TRAPPC9: variants seen among roughly 807,000 people sequenced by gnomAD.
TRAPPC9 encodes the protein IKK2 binding protein.
TRAPPC9 carries 83 observed loss-of-function variants against 124.0 expected under a neutral mutation model. The observed-to-expected ratio is 0.67, with a 90% CI of 0.56 to 0.80. TRAPPC9 has a LOEUF of 0.80. Ranked by LOEUF, TRAPPC9 falls within the 30% of genes least tolerant of loss-of-function variation. TRAPPC9 has a pLI of 0.00. For synonymous variants in TRAPPC9, 638 were observed against 617.5 expected, an observed-to-expected ratio of 1.03 and a Z score of -0.49; for missense variants, 1,302 against 1,508.3, an observed-to-expected ratio of 0.86 and a Z score of 2.27.
At chr8:140,325,629 C>T (rs1464189927) in intron 9 of TRAPPC9, among the ~76,000 whole-genome samples, 1 of 152,182 alleles carries the variant, frequency 6.6e-6, no homozygotes, top group African/African-American at 2.4e-5. Flanking sequence ...AATCCAAACT[C>T]CCACAAAAAT....
chr8:139,756,472 T>G (rs1456101131), intron 21 of TRAPPC9, among the ~76,000 whole-genome samples: 20 of 106,328 alleles, frequency 1.9e-4, no homozygotes, highest in South Asian at 3.4e-4. Flanking sequence ...AGCCAGGGTT[T>G]GGGGATGAGG....
chr8:139,936,168 C>A (rs537122517), intron 19 of TRAPPC9, among the ~76,000 whole-genome samples: 1 of 152,354 alleles, frequency 6.6e-6, no homozygotes, highest in East Asian at 1.9e-4. Flanking sequence ...TTTGAGATAG[C>A]GCCTACCAGA....
intron 16 of TRAPPC9, among the ~76,000 whole-genome samples, chr8:140,245,992 C>T (rs952257492): frequency 2.6e-5 from 4 of 152,252 alleles, no homozygotes; most frequent in African/African-American, 9.6e-5. Flanking sequence ...AGAGACTCCC[C>T]TCATCAACTG....
intron 18 of TRAPPC9, among the ~76,000 whole-genome samples, chr8:140,018,189 T>C (rs1164249798): frequency 6.6e-6 from 1 of 152,110 alleles, no homozygotes; most frequent in Non-Finnish European, 1.5e-5. Context: ...TTATCATGTT[T>C]TGTCATTTTC....
intron 4 of TRAPPC9, 78 bp downstream of exon 4, chr8:140,435,034 A>C (rs1474260064): frequency 1.2e-6 from 2 of 1,606,962 alleles, no homozygotes; most frequent in Non-Finnish European, 1.7e-6. Context: ...GTCCTAACTC[A>C]AAGGAAAAAG....
At chr8:140,019,596 A>T (rs1839703410) in intron 18 of TRAPPC9, among the ~76,000 whole-genome samples, 1 of 114,484 alleles carries the variant, frequency 8.7e-6, no homozygotes, top group African/African-American at 3.5e-5. Context: ...TGTGTCACCT[A>T]GGCTGGAGTG....
rs76527102 is a variant in TRAPPC9, at chr8:139,942,320, C to T, written c.2811-32020G>A. On this transcript the variant is annotated intron_variant, in intron 19 of 22. Coordinates refer to ENST00000438773, the MANE Select transcript of TRAPPC9 (RefSeq NM_001160372.4). The stretch of plus-strand genomic sequence containing the variant: ...ACACCCAATAGTTATTTATTGAATC[C>T]CTGGGCATTGACCCAACAAGTGTTC... 2.0e-5 allele frequency among the ~76,000 whole-genome samples: 3 copies of T among 152,196 alleles called. No individual in the cohort carries two copies. The East Asian group carries it at 5.8e-4, about 29-fold the overall frequency.
chr8:139,794,237 G>T (rs1401623491), intron 21 of TRAPPC9, among the ~76,000 whole-genome samples: 1 of 152,204 alleles, frequency 6.6e-6, no homozygotes, highest in Non-Finnish European at 1.5e-5. Flanking sequence ...AATCCTGCCT[G>T]GCTCTGTGAC....
intron 17 of TRAPPC9, among the ~76,000 whole-genome samples, chr8:140,027,907 G>T (rs1411731038): frequency 6.6e-6 from 1 of 151,956 alleles, no homozygotes; most frequent in Non-Finnish European, 1.5e-5. Flanking sequence ...CAGCATGGGG[G>T]ACACCACCCC....
At chr8:140,368,424 C>T (rs1420998515) in intron 8 of TRAPPC9, among the ~76,000 whole-genome samples, 1 of 152,144 alleles carries the variant, frequency 6.6e-6, no homozygotes, top group Non-Finnish European at 1.5e-5. Flanking sequence ...GTCATCAGCG[C>T]TCCGCCTGCC....
chr8:140,264,224 A>C (rs2131570113), intron 15 of TRAPPC9, among the ~76,000 whole-genome samples: 1 of 152,260 alleles, frequency 6.6e-6, no homozygotes, highest in South Asian at 2.1e-4. Flanking sequence ...GGTCCTGAGA[A>C]TTGCACGAGT....
intron 17 of TRAPPC9, among the ~76,000 whole-genome samples, chr8:140,065,997 A>G (rs1018698531): frequency 6.6e-6 from 1 of 152,258 alleles, no homozygotes; most frequent in African/African-American, 2.4e-5. Flanking sequence ...GGCAAAGTAC[A>G]TTGAAAACCT....
At chr8:139,829,893 C>A (rs1000378745) in intron 21 of TRAPPC9, among the ~76,000 whole-genome samples, 3 of 152,182 alleles carry the variant, frequency 2.0e-5, no homozygotes, top group African/African-American at 7.2e-5. Flanking sequence ...TGAGTGACAG[C>A]GCTGGGGCTG....
At chr8:139,953,426 G>C (rs1021674488) in intron 19 of TRAPPC9, among the ~76,000 whole-genome samples, 1 of 152,190 alleles carries the variant, frequency 6.6e-6, no homozygotes, top group Non-Finnish European at 1.5e-5. Flanking sequence ...CCAGGAGGCA[G>C]AGTTGCAGTG....
intron 13 of TRAPPC9, 95 bp downstream of exon 13, chr8:140,287,513 C>T: frequency 6.6e-7 from 1 of 1,511,442 alleles, no homozygotes; most frequent in Non-Finnish European, 9.2e-7. Context: ...CTGGTTAGGA[C>T]TGGCATGACG....
At chr8:139,855,471 C>A (rs560846246) in intron 21 of TRAPPC9, among the ~76,000 whole-genome samples, 2 of 152,190 alleles carry the variant, frequency 1.3e-5, no homozygotes, top group Non-Finnish European at 1.5e-5. Flanking sequence ...GGCAGGTCCA[C>A]GTGGAGACCC....
At chr8:139,972,469 T>C (rs180789469) in intron 19 of TRAPPC9, among the ~76,000 whole-genome samples, 146 of 152,314 alleles carry the variant, frequency 9.6e-4, no homozygotes, top group African/African-American at 3.4e-3. Flanking sequence ...TTCCTCTGCA[T>C]CCTTGCAAAT....
chr8:140,157,389 A>AAAGCCTCCCTTTCCATTCAG (rs1563805048), intron 17 of TRAPPC9, among the ~76,000 whole-genome samples: 1 of 149,782 alleles, frequency 6.7e-6, no homozygotes, highest in Non-Finnish European at 1.5e-5. Context: ...TTTCCATTCA[A>AAAGCCTCCCTTTCCATTCAG]AAGCCTTCCT....
intron 16 of TRAPPC9, among the ~76,000 whole-genome samples, chr8:140,246,612 C>T (rs2063992824): frequency 1.3e-5 from 2 of 152,164 alleles, no homozygotes; most frequent in Admixed American, 1.3e-4. Context: ...ATTTACTTTA[C>T]CCTACACTGA....
Sources: allele counts gnomAD v4.1 joint callset (sites outside exome capture counted in the v4.1 genomes callset), GRCh38; gene constraint gnomAD v4.1.1; transcripts MANE v1.5; gene names NCBI Gene and HGNC (gene_info 2026-07-23, HGNC 2026-07-21).